Variants in DLGAP2 observed in about 807,000 individuals in gnomAD.
DLGAP2 encodes the protein disks large-associated protein 2.
In DLGAP2, 26 loss-of-function variants were observed where a neutral mutation model predicts 100.3. The observed-to-expected ratio is 0.26, with a 90% CI of 0.19 to 0.36. DLGAP2 has a LOEUF of 0.36. Ranked by LOEUF, DLGAP2 falls within the 10% of genes least tolerant of loss-of-function variation. DLGAP2 has a pLI of 1.00. For synonymous variants in DLGAP2, 886 were observed against 630.1 expected (o/e 1.41, Z -6.08); for missense variants, 1,858 against 1,453.2 (o/e 1.28, Z -4.53).
chr8:1,410,140 G>A (rs143472714), intron 3 of DLGAP2, among the ~76,000 whole-genome samples: 1 of 152,154 alleles, frequency 6.6e-6, no homozygotes, highest in Admixed American at 6.5e-5. Flanking sequence ...AGGGGAAGGG[G>A]AGGTTTCAAA....
intron 2 of DLGAP2, among the ~76,000 whole-genome samples, chr8:1,234,251 G>C (rs1563269311): frequency 6.6e-6 from 1 of 152,202 alleles, no homozygotes. Context: ...AGTGGAACCA[G>C]CACAGGAATG....
At chr8:918,554 G>A (rs1159305900) in intron 2 of DLGAP2, among the ~76,000 whole-genome samples, 5 of 152,186 alleles carry the variant, frequency 3.3e-5, no homozygotes, top group African/African-American at 7.2e-5. Flanking sequence ...CATCGATCCT[G>A]AACAGGTGTA....
intron 2 of DLGAP2, among the ~76,000 whole-genome samples, chr8:915,275 C>T (rs1469934256): frequency 2.0e-5 from 3 of 152,114 alleles, no homozygotes; most frequent in Non-Finnish European, 4.4e-5. Context: ...GGGCTGGGCG[C>T]GGTGGCTCAC....
At chr8:868,701 T>C (rs886457165) in intron 1 of DLGAP2, among the ~76,000 whole-genome samples, 2 of 152,170 alleles carry the variant, frequency 1.3e-5, no homozygotes, top group Non-Finnish European at 2.9e-5. Context: ...GGCTTTGGTG[T>C]GTCTGAGGCG....
At chr8:760,909 G>C (rs577673153) in intron 1 of DLGAP2, among the ~76,000 whole-genome samples, 1 of 152,106 alleles carries the variant, frequency 6.6e-6, no homozygotes, top group African/African-American at 2.4e-5. Context: ...CTAATTCCCA[G>C]ATCTTAGGTC....
At chr8:1,214,735 C>A (rs1301654473) in intron 2 of DLGAP2, among the ~76,000 whole-genome samples, 1 of 152,186 alleles carries the variant, frequency 6.6e-6, no homozygotes, top group Non-Finnish European at 1.5e-5. Context: ...AGCAGGTGTG[C>A]CTTAAGTCTA....
chr8:1,078,496 G>A (rs568288994), intron 2 of DLGAP2, among the ~76,000 whole-genome samples: 3 of 152,284 alleles, frequency 2.0e-5, no homozygotes, highest in South Asian at 2.1e-4. Context: ...AATGGCGTAT[G>A]CCCACCCTGG....
intron 2 of DLGAP2, among the ~76,000 whole-genome samples, chr8:1,132,296 A>T (rs1796310244): frequency 6.6e-6 from 1 of 152,270 alleles, no homozygotes; most frequent in African/African-American, 2.4e-5. Context: ...TAATCAGTTT[A>T]TGTTAAAGCC....
intron 1 of DLGAP2, chr8:739,792 C>T (rs1820435556): frequency 6.6e-6 from 1 of 152,164 alleles, no homozygotes; most frequent in South Asian, 2.1e-4. Context: ...TGGAAGAGAA[C>T]ACATTAGAAT....
At chr8:754,938 G>C (rs1370118663) in intron 1 of DLGAP2, among the ~76,000 whole-genome samples, 3 of 152,222 alleles carry the variant, frequency 2.0e-5, no homozygotes, top group Non-Finnish European at 4.4e-5. Flanking sequence ...CTAGCAATTT[G>C]TGATAATCTG....
chr8:815,442 G>T (rs1369322019), intron 1 of DLGAP2, among the ~76,000 whole-genome samples: 1 of 152,180 alleles, frequency 6.6e-6, no homozygotes, highest in Non-Finnish European at 1.5e-5. Flanking sequence ...TGGTCAGTCA[G>T]TATTTGAGAT....
chr8:1,007,996 A>G (rs553627690), intron 2 of DLGAP2, among the ~76,000 whole-genome samples: 3 of 152,294 alleles, frequency 2.0e-5, no homozygotes, highest in Admixed American at 1.3e-4. Context: ...TTTTCCTGTG[A>G]TGGATGAGCA....
chr8:1,339,078 CAGGGA>C (rs1801359009), intron 3 of DLGAP2, among the ~76,000 whole-genome samples: 3 of 131,354 alleles, frequency 2.3e-5, no homozygotes, highest in African/African-American at 8.8e-5. Context: ...CAGGACCTGG[CAGGGA>C]AGGCAGTGAC....
intron 3 of DLGAP2, among the ~76,000 whole-genome samples, chr8:1,316,434 CA>C (rs1800751480): frequency 7.7e-6 from 1 of 130,668 alleles, no homozygotes; most frequent in South Asian, 2.5e-4. Flanking sequence ...GTCTCTCCAA[CA>C]GTGGTCTACA....
chr8:1,166,995 G>T (rs962056433), intron 2 of DLGAP2, among the ~76,000 whole-genome samples: 9 of 152,118 alleles, frequency 5.9e-5, no homozygotes, highest in African/African-American at 2.2e-4. Flanking sequence ...ACTTATCTGG[G>T]TGTGGTGGCA....
chr8:1,347,084 A>C (rs1228369777), intron 3 of DLGAP2, among the ~76,000 whole-genome samples: 1 of 148,468 alleles, frequency 6.7e-6, no homozygotes, highest in Non-Finnish European at 1.5e-5. Context: ...GCTGAATTGC[A>C]CTCATTGTAG....
intron 2 of DLGAP2, among the ~76,000 whole-genome samples, chr8:1,212,874 A>G (rs529847602): frequency 5.6e-4 from 84 of 150,580 alleles, no homozygotes; most frequent in African/African-American, 1.8e-3. Context: ...AACATCACAT[A>G]TCTCTTAGTT....
chr8:1,391,265 G>A (rs928313671), intron 3 of DLGAP2, among the ~76,000 whole-genome samples: 1 of 152,192 alleles, frequency 6.6e-6, no homozygotes, highest in Non-Finnish European at 1.5e-5. Flanking sequence ...AGGCAATGGG[G>A]CATTCAAGGA....
At chr8:1,486,679 A>G (rs1433579217) in intron 3 of DLGAP2, among the ~76,000 whole-genome samples, 1 of 152,204 alleles carries the variant, frequency 6.6e-6, no homozygotes, top group Non-Finnish European at 1.5e-5. Flanking sequence ...TCTAAATAAT[A>G]TCTTAGCGTT....
Sources: allele counts gnomAD v4.1 joint callset (sites outside exome capture counted in the v4.1 genomes callset), GRCh38; gene constraint gnomAD v4.1.1; transcripts MANE v1.5; gene names NCBI Gene and HGNC (gene_info 2026-07-23, HGNC 2026-07-21).